Variants in JPH3 observed in about 807,000 individuals in gnomAD.
The protein encoded by JPH3 is junctophilin 3.
Under a neutral mutation model 59.6 loss-of-function variants are expected in JPH3, and 11 were observed. That is an observed-to-expected ratio of 0.18 (90% CI 0.12 to 0.31). The LOEUF is 0.31. JPH3 is among the 10% of genes least tolerant of loss of function. The pLI is 1.00. For missense variants in JPH3, 1,202 were observed against 1,105.7 expected, an observed-to-expected ratio of 1.09 and a Z score of -1.24; for synonymous variants, 673 against 483.6, an observed-to-expected ratio of 1.39 and a Z score of -5.14.
chr16:87,615,455 G>A (rs1468300321), intron 1 of JPH3, among the ~76,000 whole-genome samples: 2 of 152,210 alleles, frequency 1.3e-5, no homozygotes, highest in African/African-American at 4.8e-5. Context: ...AGTGACAGCT[G>A]CTGTGTTTCT....
At chr16:87,602,434 G>A (rs1194426024), upstream of JPH3, among the ~76,000 whole-genome samples, 15 of 101,364 alleles carry the variant, frequency 1.5e-4, no homozygotes, top group Non-Finnish European at 2.8e-4. Flanking sequence ...GCGGGGGCGG[G>A]GGCGGGGGGC....
intron 1 of JPH3, among the ~76,000 whole-genome samples, chr16:87,636,849 C>G (rs1174012512): frequency 6.6e-6 from 1 of 152,240 alleles, no homozygotes; most frequent in Non-Finnish European, 1.5e-5. Context: ...GATTGTCACC[C>G]TATCTTACAG....
chr16:87,657,495 A>C (rs1345469283), intron 2 of JPH3, among the ~76,000 whole-genome samples: 5 of 152,208 alleles, frequency 3.3e-5, no homozygotes, highest in Non-Finnish European at 7.3e-5. Context: ...ACAGCGTTGA[A>C]TGTACTGAAT....
At chr16:87,669,076 C>T (rs575536967) in intron 2 of JPH3, among the ~76,000 whole-genome samples, 67 of 152,346 alleles carry the variant, frequency 4.4e-4, no homozygotes, top group African/African-American at 1.4e-3. Context: ...CTCCCGGTGG[C>T]ACAGGGGCGT....
chr16:87,677,249 G>C (rs2033175314), intron 2 of JPH3, among the ~76,000 whole-genome samples: 1 of 137,334 alleles, frequency 7.3e-6, no homozygotes, highest in Non-Finnish European at 1.6e-5. Context: ...AGCCGGGTGT[G>C]GTGGGCGCCT....
chr16:87,648,899 G>A (rs1213453831), intron 2 of JPH3, among the ~76,000 whole-genome samples: 3 of 152,216 alleles, frequency 2.0e-5, no homozygotes, highest in African/African-American at 7.2e-5. Flanking sequence ...TGCTGACCTG[G>A]TCCCCAGGAC....
chr16:87,638,151 C>T (rs1356877126), intron 1 of JPH3, among the ~76,000 whole-genome samples: 11 of 152,152 alleles, frequency 7.2e-5, no homozygotes, highest in Admixed American at 7.2e-4. Context: ...AACTCCTGAC[C>T]TCAGGTGATC....
rs1395158944 is a variant in JPH3, at chr16:87,677,332, G to A, written c.1161-6810G>A. Among the ~76,000 whole-genome samples the A allele has an allele frequency of 2.6e-5, 4 of 152,066 alleles. No homozygotes were observed. In the South Asian group the frequency reaches 6.2e-4, roughly 24 times the overall value. On this transcript the variant is annotated intron_variant, in intron 2 of 4. Transcript: ENST00000284262. ...TGGGAGGCAGAGTTTGCAGTGAGCC[G>A]TGATCATGCCACTGTACTGCAGCCT...
At position 87,696,677 on chromosome 16, in the gene JPH3, C is replaced by A. The variant is rs908782401; in HGVS notation, c.*17C>A. The A allele has an allele frequency of 6.3e-7, 1 of 1,594,154 alleles. No individual in the cohort carries two copies. Among genetic ancestry groups the A allele is most frequent in the Non-Finnish European group, 8.6e-7 (1 of 1,163,274 alleles). Reference sequence around the variant, plus strand: ...TTCATCTGATGAGATGTCGCGGTAGCAAAAATAGAGAAAGGGTAGAAAAAA... The same window carrying A: ...TTCATCTGATGAGATGTCGCGGTAGAAAAAATAGAGAAAGGGTAGAAAAAA... On this transcript the variant is annotated 3_prime_UTR_variant, in exon 5 of 5. Coordinates refer to ENST00000284262, the MANE Select transcript of JPH3 (RefSeq NM_020655.4).
At chr16:87,605,071 C>T (rs977557794) in intron 1 of JPH3, 2 of 400,896 alleles carry the variant, frequency 5.0e-6, no homozygotes, top group African/African-American at 2.0e-5. Context: ...GCGCTTCCAG[C>T]TGGGCTGTTT....
intron 1 of JPH3, among the ~76,000 whole-genome samples, chr16:87,635,027 C>T (rs1316186928): frequency 2.0e-5 from 3 of 152,208 alleles, no homozygotes; most frequent in African/African-American, 4.8e-5. Context: ...AAATGTTTCC[C>T]CTTTTCCCTC....
chr16:87,654,252 G>A (rs938071483), intron 2 of JPH3: 2 of 152,146 alleles, frequency 1.3e-5, no homozygotes, highest in Non-Finnish European at 2.9e-5. Context: ...GCGCCTCTCT[G>A]GACTCATCCC....
intron 2 of JPH3, among the ~76,000 whole-genome samples, chr16:87,649,922 T>C (rs1427876896): frequency 6.6e-6 from 1 of 152,250 alleles, no homozygotes; most frequent in Admixed American, 6.5e-5. Flanking sequence ...GGATTGTTTC[T>C]GCTGGGACCC....
intron 2 of JPH3, among the ~76,000 whole-genome samples, chr16:87,663,795 T>C (rs544616117): frequency 5.3e-5 from 8 of 152,330 alleles, no homozygotes; most frequent in African/African-American, 1.9e-4. Context: ...CGTGTTAATG[T>C]GTCTCTGAAC....
upstream of JPH3, among the ~76,000 whole-genome samples, chr16:87,602,451 C>CG (rs1156859002): frequency 0.11 from 202 of 1,864 alleles, 3 homozygotes; most frequent in Non-Finnish European, 0.31. Flanking sequence ...GGGCGGGGGG[C>CG]GGGGGGCGGG....
intron 1 of JPH3, among the ~76,000 whole-genome samples, chr16:87,634,887 G>C (rs1420822454): frequency 1.3e-5 from 2 of 152,242 alleles, no homozygotes; most frequent in African/African-American, 4.8e-5. Flanking sequence ...TCCCGCTCTA[G>C]CTGGGTGACA....
At chr16:87,690,656 G>A in intron 4 of JPH3, 130 bp downstream of exon 4, 1 of 1,022,326 alleles carries the variant, frequency 9.8e-7, no homozygotes, top group Non-Finnish European at 1.3e-6. Flanking sequence ...GTAGGGTGGG[G>A]GTACAGCCGG....
At chr16:87,664,972 C>G (rs890970984) in intron 2 of JPH3, among the ~76,000 whole-genome samples, 2 of 152,362 alleles carry the variant, frequency 1.3e-5, no homozygotes, top group African/African-American at 4.8e-5. Context: ...CCACACAAAA[C>G]CATGTGCATC....
intron 1 of JPH3, among the ~76,000 whole-genome samples, chr16:87,606,075 C>G (rs1298190967): frequency 6.6e-6 from 1 of 152,212 alleles, no homozygotes; most frequent in Non-Finnish European, 1.5e-5. Context: ...TGAGTGTCCC[C>G]AGGCAGCCCA....
Sources: gnomAD v4.1 joint callset for allele counts (sites outside exome capture counted in the v4.1 genomes callset) on GRCh38, gnomAD v4.1.1 for gene constraint, MANE v1.5 for transcripts, NCBI Gene and HGNC (gene_info 2026-07-23, HGNC 2026-07-21) for gene names.